The following TMEM72 variants were observed in gnomAD, a reference collection of about 807,000 sequenced individuals.
The protein encoded by TMEM72 is transmembrane protein 72, also known as kidney-specific secretory protein of 37 kDa.
A neutral mutation model predicts 16.3 loss-of-function variants in TMEM72; 9 were observed. The observed-to-expected ratio is 0.55, with a 90% CI of 0.33 to 0.96. TMEM72 has a LOEUF of 0.96. Among genes scored for constraint, TMEM72 ranks in the 40% least tolerant of loss-of-function variants. The probability of loss-of-function intolerance (pLI) is 0.03; values close to 1 mark genes in which losing one functional copy is unlikely to be tolerated. For synonymous variants in TMEM72, 160 were observed against 146.5 expected (o/e 1.09, Z -0.66); for missense variants, 324 against 337.8 (o/e 0.96, Z 0.32).
Position 44,935,188 on chromosome 10 carries a change from C to G in TMEM72, c.*54C>G. The G allele has an allele frequency of 6.7e-7, 1 of 1,488,456 alleles. No homozygotes were observed. Among genetic ancestry groups the G allele is most frequent in the East Asian group, 2.3e-5 (1 of 43,624 alleles). The allele number at this position is 1,488,456 out of a possible 1,614,324, so 92.2% of individuals were successfully genotyped here. A position where few individuals can be genotyped will look rare whatever the true frequency, so the allele number is the denominator to read the frequency against. ...GTGAGGGGTCTACCTAGCTCAATGG[C>G]CCTCCCTGGAGTTTCAGGGTCTTCT... On this transcript the variant is annotated 3_prime_UTR_variant, in exon 5 of 5. Coordinates refer to ENST00000389583, the MANE Select transcript of TMEM72 (RefSeq NM_001123376.3).
intron 2 of TMEM72, among the ~76,000 whole-genome samples, chr10:44,929,960 C>A (rs142814937): frequency 6.6e-6 from 1 of 152,274 alleles, no homozygotes; most frequent in South Asian, 2.1e-4. Context: ...CTGACCATGT[C>A]CCTAGCCGCT....
At chr10:44,922,477 T>C (rs1279289394) in intron 1 of TMEM72, among the ~76,000 whole-genome samples, 1 of 152,246 alleles carries the variant, frequency 6.6e-6, no homozygotes, top group African/African-American at 2.4e-5. Context: ...GGAACTGTGA[T>C]ACCTTCCAAA....
chr10:44,914,474 C>T (rs911669013), intron 1 of TMEM72, among the ~76,000 whole-genome samples: 1 of 152,218 alleles, frequency 6.6e-6, no homozygotes, highest in Non-Finnish European at 1.5e-5. Context: ...CGTGTGATGT[C>T]TAAGTGCCTC....
At chr10:44,933,519 C>A in intron 3 of TMEM72, 118 bp from the exon 4 acceptor site, 1 of 1,365,990 alleles carries the variant, frequency 7.3e-7, no homozygotes, top group Non-Finnish European at 9.9e-7. Flanking sequence ...GCTTTCTGTT[C>A]AGCCAGGGCC....
chr10:44,912,264 G>C (rs1475523949), intron 1 of TMEM72, among the ~76,000 whole-genome samples: 1 of 152,212 alleles, frequency 6.6e-6, no homozygotes, highest in African/African-American at 2.4e-5. Context: ...CTGGACAGGA[G>C]GGCAGACTGT....
intron 2 of TMEM72, among the ~76,000 whole-genome samples, chr10:44,930,121 T>C (rs962007083): frequency 1.3e-5 from 2 of 152,292 alleles, no homozygotes; most frequent in South Asian, 2.1e-4. Flanking sequence ...CCTATGCCCA[T>C]GTGGTCTCTG....
intron 1 of TMEM72, among the ~76,000 whole-genome samples, chr10:44,917,735 G>T (rs908182515): frequency 6.6e-6 from 1 of 152,068 alleles, no homozygotes; most frequent in Non-Finnish European, 1.5e-5. Context: ...GAAGAAGCCT[G>T]ATGTGTGTGG....
In TMEM72 at chr10:44,934,671, T is replaced by A. The variant is rs778465869; in HGVS notation, c.365T>A (p.Ile122Asn). 3 of 1,587,222 alleles carry A rather than the reference T, an allele frequency of 1.9e-6. No homozygotes were observed. The highest frequency in any genetic ancestry group is 2.6e-6 in the Non-Finnish European group (3 of 1,167,948). The change falls in exon 5 of 5, where the codon ATC (isoleucine) becomes AAC (asparagine). Residue 122 changes from isoleucine to asparagine, a missense_variant. Transcript: ENST00000389583. The part of the protein sequence containing the change: ...HVTIPGSMLI[I>N]TGLAYFLLSK... ...TCTTTTCCAGGCTCCATGCTCATCA[T>A]CACCGGCCTGGCCTACTTCCTTCTG...
intron 1 of TMEM72, among the ~76,000 whole-genome samples, chr10:44,914,225 A>G (rs944073835): frequency 6.6e-6 from 1 of 152,238 alleles, no homozygotes; most frequent in African/African-American, 2.4e-5. Context: ...GAGGGGTTGT[A>G]GAGCACAGAC....
chr10:44,925,924 T>C (rs537533999), intron 1 of TMEM72, among the ~76,000 whole-genome samples: 1 of 151,772 alleles, frequency 6.6e-6, no homozygotes, highest in Admixed American at 6.6e-5. Flanking sequence ...CACGTGCACA[T>C]TCACACACAT....
At chr10:44,917,704 G>A (rs1259718064) in intron 1 of TMEM72, among the ~76,000 whole-genome samples, 1 of 152,110 alleles carries the variant, frequency 6.6e-6, no homozygotes, top group Non-Finnish European at 1.5e-5. Flanking sequence ...AAACCCCCAG[G>A]AGACCAGGTA....
intron 1 of TMEM72, among the ~76,000 whole-genome samples, chr10:44,913,417 GA>G (rs1476681367): frequency 4.6e-5 from 7 of 151,912 alleles, no homozygotes; most frequent in Admixed American, 2.0e-4. Context: ...TCAGTCACCG[GA>G]AGAGTCTGCA....
rs538140827 is a variant in TMEM72 at position 44,936,121 on chromosome 10, T to A, written c.*987T>A. On this transcript the variant is annotated 3_prime_UTR_variant, in exon 5 of 5. Transcript: ENST00000389583. ...GCCATGGGGCCACGGAAGTGACAGT[T>A]AACCCAGAAGGAACAAAGACATCTG... is the stretch of plus-strand genomic sequence containing the variant. 10 of 152,348 alleles carry A rather than the reference T, an allele frequency of 6.6e-5. No homozygotes were observed. The highest frequency in any genetic ancestry group is 1.9e-4 in the African/African-American group (8 of 41,588). 9.4% of individuals were successfully genotyped at this position (152,348 alleles called of 1,614,324 possible). A position where few individuals can be genotyped will look rare whatever the true frequency, so the allele number is the denominator to read the frequency against.
chr10:44,930,746 T>C (rs907257710), intron 2 of TMEM72, among the ~76,000 whole-genome samples: 4 of 152,184 alleles, frequency 2.6e-5, no homozygotes, highest in African/African-American at 4.8e-5. Context: ...ATTGATATAA[T>C]CACTGTGTGC....
At chr10:44,917,044 C>T (rs900810365) in intron 1 of TMEM72, among the ~76,000 whole-genome samples, 2 of 152,152 alleles carry the variant, frequency 1.3e-5, no homozygotes, top group African/African-American at 4.8e-5. Flanking sequence ...CCTGAGTCCC[C>T]AGTCATGCAG....
chr10:44,933,854 T>C (rs1840347518), intron 4 of TMEM72, 78 bp downstream of exon 4: 1 of 1,481,678 alleles, frequency 6.7e-7, no homozygotes, highest in African/African-American at 1.4e-5. Flanking sequence ...CCTCAAAGTC[T>C]AGCTCCAGTG....
intron 1 of TMEM72, among the ~76,000 whole-genome samples, chr10:44,927,217 T>C (rs1349544927): frequency 6.6e-6 from 1 of 152,132 alleles, no homozygotes; most frequent in Non-Finnish European, 1.5e-5. Flanking sequence ...CAAAGGTCCG[T>C]GCTGTGCTGG....
At chr10:44,913,256 C>A (rs1164812681) in intron 1 of TMEM72, among the ~76,000 whole-genome samples, 1 of 152,154 alleles carries the variant, frequency 6.6e-6, no homozygotes, top group African/African-American at 2.4e-5. Flanking sequence ...GCTTTGGTTT[C>A]CAAATCTGTA....
In TMEM72 at chr10:44,935,398, C is replaced by A. The variant is rs1840384687; in HGVS notation, c.*264C>A. 2 of 415,360 alleles carry A rather than the reference C, an allele frequency of 4.8e-6. No individual in the cohort carries two copies. Among genetic ancestry groups the A allele is most frequent in the Non-Finnish European group, 8.6e-6 (2 of 233,848 alleles). The allele number at this position is 415,360 out of a possible 1,614,324, so 25.7% of individuals were successfully genotyped here. A position where few individuals can be genotyped will look rare whatever the true frequency, so the allele number is the denominator to read the frequency against. ...ACAGGTGGGGAAACCCTTATGCTTC[C>A]CCAACAAGACCATCACTGCCACTGC... is the stretch of plus-strand genomic sequence containing the variant. On this transcript the variant is annotated 3_prime_UTR_variant, in exon 5 of 5. Transcript: ENST00000389583.
Sources: gnomAD v4.1 joint callset for allele counts (sites outside exome capture counted in the v4.1 genomes callset) on GRCh38, gnomAD v4.1.1 for gene constraint, MANE v1.5 for transcripts, NCBI Gene and HGNC (gene_info 2026-07-23, HGNC 2026-07-21) for gene names.